Variants in PTPRD observed in about 807,000 individuals in gnomAD.
The protein encoded by PTPRD is protein tyrosine phosphatase receptor type D, also known as receptor-type tyrosine-protein phosphatase delta.
Under a neutral mutation model 214.5 loss-of-function variants are expected in PTPRD, and 34 were observed. The observed-to-expected ratio is 0.16, with a 90% CI of 0.12 to 0.21. PTPRD has a LOEUF of 0.21. PTPRD is among the 10% of genes least tolerant of loss of function. The probability of loss-of-function intolerance (pLI) is 1.00; values close to 1 mark genes in which losing one functional copy is unlikely to be tolerated. For missense variants in PTPRD, 2,545 were observed against 2,398.7 expected (o/e 1.06, Z -1.27); for synonymous variants, 1,128 against 845.7 (o/e 1.33, Z -5.79).
intron 14 of PTPRD, among the ~76,000 whole-genome samples, chr9:8,571,871 A>T (rs2154236184): frequency 6.6e-6 from 1 of 152,136 alleles, no homozygotes; most frequent in South Asian, 2.1e-4. Flanking sequence ...TGAAGCCAAA[A>T]CTCATTCAGA....
rs990580873 is a variant in PTPRD, at chr9:8,321,513, A to G, written c.5535-1547T>C. ...TATATATATATATATATATATATAT[A>G]TATATATATATATAAAAGGTATATG... On this transcript the variant is annotated intron_variant, in intron 44 of 45. Coordinates refer to ENST00000381196, the MANE Select transcript of PTPRD (RefSeq NM_002839.4). Among the ~76,000 whole-genome samples the G allele has an allele frequency of 9.5e-4, 126 of 132,522 alleles. 3 individuals are homozygous for G. Among genetic ancestry groups the G allele is most frequent in the African/African-American group, 3.5e-3 (124 of 35,790 alleles). 86.9% of individuals were successfully genotyped at this position (132,522 alleles called of 152,430 possible).
chr9:10,557,685 C>T (rs956323961), intron 2 of PTPRD, among the ~76,000 whole-genome samples: 3 of 151,884 alleles, frequency 2.0e-5, no homozygotes, highest in African/African-American at 7.3e-5. Context: ...AAATGTTTAC[C>T]CCTGGACCAG....
intron 35 of PTPRD, among the ~76,000 whole-genome samples, chr9:8,419,108 C>T (rs1181683062): frequency 6.6e-6 from 1 of 151,548 alleles, no homozygotes; most frequent in African/African-American, 2.4e-5. Flanking sequence ...GTAGTCCCAG[C>T]TACTTGGGAG....
chr9:9,967,937 A>T (rs2094821394), intron 4 of PTPRD, among the ~76,000 whole-genome samples: 1 of 152,162 alleles, frequency 6.6e-6, no homozygotes, highest in Non-Finnish European at 1.5e-5. Flanking sequence ...TAAACATATT[A>T]AGAAAAATTT....
At chr9:9,317,769 T>C (rs1397596028) in intron 9 of PTPRD, among the ~76,000 whole-genome samples, 1 of 152,110 alleles carries the variant, frequency 6.6e-6, no homozygotes, top group Non-Finnish European at 1.5e-5. Flanking sequence ...ACCACAGATA[T>C]AAAATGGACC....
intron 34 of PTPRD, among the ~76,000 whole-genome samples, chr9:8,448,216 T>C (rs1237337437): frequency 1.3e-5 from 2 of 152,016 alleles, no homozygotes; most frequent in African/African-American, 4.8e-5. Context: ...TAGTCCCAGC[T>C]ACTTGGGAAG....
At chr9:9,402,436 C>CA (rs1329693924) in intron 8 of PTPRD, among the ~76,000 whole-genome samples, 1 of 152,008 alleles carries the variant, frequency 6.6e-6, no homozygotes, top group Non-Finnish European at 1.5e-5. Context: ...GGAGATTTAA[C>CA]AAAAAATTTC....
intron 39 of PTPRD, among the ~76,000 whole-genome samples, chr9:8,367,265 C>T (rs1446969954): frequency 6.6e-6 from 1 of 151,906 alleles, no homozygotes; most frequent in South Asian, 2.1e-4. Flanking sequence ...GGTGGGTTAT[C>T]GTTTGGACCC....
At chr9:9,747,709 G>A (rs1044683580) in intron 6 of PTPRD, among the ~76,000 whole-genome samples, 2 of 151,896 alleles carry the variant, frequency 1.3e-5, no homozygotes, top group African/African-American at 4.8e-5. Flanking sequence ...ACCACACCTG[G>A]CTAATTTTTT....
At chr9:10,348,052 C>G (rs973485149) in intron 2 of PTPRD, among the ~76,000 whole-genome samples, 1 of 151,986 alleles carries the variant, frequency 6.6e-6, no homozygotes, top group East Asian at 1.9e-4. Context: ...AGCAAGACTT[C>G]GTCTAAAAAA....
chr9:10,133,756 A>G (rs2154260533), intron 3 of PTPRD, among the ~76,000 whole-genome samples: 1 of 152,266 alleles, frequency 6.6e-6, no homozygotes, highest in South Asian at 2.1e-4. Flanking sequence ...AGAATGCTTG[A>G]ATTTCATAAA....
chr9:8,872,799 G>C (rs2098325432), intron 11 of PTPRD, among the ~76,000 whole-genome samples: 1 of 152,168 alleles, frequency 6.6e-6, no homozygotes, highest in African/African-American at 2.4e-5. Flanking sequence ...GGCGGCATTT[G>C]CCAGTACAAC....
intron 4 of PTPRD, among the ~76,000 whole-genome samples, chr9:9,996,521 G>A (rs1299243990): frequency 6.6e-6 from 1 of 152,198 alleles, no homozygotes; most frequent in South Asian, 2.1e-4. Context: ...GCCCAGGACT[G>A]ACCTGAGGGT....
At chr9:8,637,139 C>T (rs72698261) in intron 12 of PTPRD, among the ~76,000 whole-genome samples, 1 of 152,054 alleles carries the variant, frequency 6.6e-6, no homozygotes, top group African/African-American at 2.4e-5. Context: ...ATTTTTATTA[C>T]CAGTATATAA....
chr9:8,394,247 A>G (rs573237809), intron 36 of PTPRD, among the ~76,000 whole-genome samples: 1 of 152,108 alleles, frequency 6.6e-6, no homozygotes, highest in Non-Finnish European at 1.5e-5. Context: ...AGATAATTCG[A>G]TTTGAAAAGA....
At chr9:8,429,306 T>C (rs1451519637) in intron 35 of PTPRD, among the ~76,000 whole-genome samples, 1 of 152,140 alleles carries the variant, frequency 6.6e-6, no homozygotes, top group Non-Finnish European at 1.5e-5. Context: ...CCACACATAG[T>C]AGGTGTGTGA....
At chr9:8,770,637 T>A (rs2095134659) in intron 11 of PTPRD, among the ~76,000 whole-genome samples, 1 of 152,204 alleles carries the variant, frequency 6.6e-6, no homozygotes, top group African/African-American at 2.4e-5. Context: ...AAAACAGATC[T>A]ACTTGATACT....
intron 2 of PTPRD, among the ~76,000 whole-genome samples, chr9:10,455,985 T>C (rs974783204): frequency 6.6e-6 from 1 of 151,844 alleles, no homozygotes; most frequent in Non-Finnish European, 1.5e-5. Context: ...ATTCTCATAT[T>C]ATATAGCTGT....
intron 9 of PTPRD, among the ~76,000 whole-genome samples, chr9:9,311,435 C>T (rs1958972163): frequency 1.3e-5 from 2 of 152,048 alleles, no homozygotes; most frequent in Non-Finnish European, 2.9e-5. Context: ...CAAAATCATC[C>T]CCCTAAAACT....
Sources: gnomAD v4.1 joint callset for allele counts (sites outside exome capture counted in the v4.1 genomes callset) on GRCh38, gnomAD v4.1.1 for gene constraint, MANE v1.5 for transcripts, NCBI Gene and HGNC (gene_info 2026-07-23, HGNC 2026-07-21) for gene names.